ADAMTS17: variants seen among roughly 807,000 people sequenced by gnomAD.
The protein encoded by ADAMTS17 is A disintegrin and metalloproteinase with thrombospondin motifs 17.
A neutral mutation model predicts 141.5 loss-of-function variants in ADAMTS17; 113 were observed. That is an observed-to-expected ratio of 0.80 (90% CI 0.69 to 0.93). ADAMTS17 has a LOEUF of 0.93. ADAMTS17 is among the 40% of genes least tolerant of loss of function. The probability of loss-of-function intolerance (pLI) is 0.00; values close to 1 mark genes in which losing one functional copy is unlikely to be tolerated. For synonymous variants in ADAMTS17, 768 were observed against 630.6 expected, an observed-to-expected ratio of 1.22 and a Z score of -3.27; for missense variants, 1,659 against 1,517.9, an observed-to-expected ratio of 1.09 and a Z score of -1.54.
chr15:100,317,651 G>C (rs922018647), intron 3 of ADAMTS17, among the ~76,000 whole-genome samples: 1 of 152,204 alleles, frequency 6.6e-6, no homozygotes, highest in African/African-American at 2.4e-5. Context: ...AGCATTTTGG[G>C]GGGGACAACA....
chr15:100,077,283 C>CAAAAAAA (rs71151934), intron 15 of ADAMTS17, among the ~76,000 whole-genome samples: 3 of 54,602 alleles, frequency 5.5e-5, no homozygotes, highest in Admixed American at 3.8e-4. Context: ...ATCTCTACCA[C>CAAAAAAA]AAAAAAAAAA....
At chr15:100,238,459 T>G (rs1447717545) in intron 7 of ADAMTS17, among the ~76,000 whole-genome samples, 1 of 152,188 alleles carries the variant, frequency 6.6e-6, no homozygotes, top group East Asian at 1.9e-4. Context: ...AGGCACTCAA[T>G]AGAGTTTTAC....
In ADAMTS17 at chr15:100,263,246, G is replaced by C. The variant is rs150701595; in HGVS notation, c.790-811C>G. Among the ~76,000 whole-genome samples the C allele has an allele frequency of 2.6e-3, 399 of 152,186 alleles. 5 individuals are homozygous for C. Among genetic ancestry groups the C allele is most frequent in the African/African-American group, 9.3e-3 (386 of 41,514 alleles). On this transcript the variant is annotated intron_variant, in intron 4 of 21. Transcript: ENST00000268070. ...GCTAACCCTTGCCACACCCCACCAA[G>C]GCTGGCATCTCCACTACTCTCAGCT...
At chr15:100,148,086 G>A (rs2038992907) in intron 10 of ADAMTS17, among the ~76,000 whole-genome samples, 1 of 152,104 alleles carries the variant, frequency 6.6e-6, no homozygotes, top group Admixed American at 6.5e-5. Context: ...AAGGACTCTT[G>A]AGTACACTGG....
chr15:100,242,196 A>AT (rs1184774908), intron 7 of ADAMTS17, among the ~76,000 whole-genome samples: 31 of 152,194 alleles, frequency 2.0e-4, no homozygotes, highest in African/African-American at 6.8e-4. Flanking sequence ...CTTGTGGTTA[A>AT]TTCCAAGTGC....
At chr15:99,996,211 T>C (rs995756344) in intron 19 of ADAMTS17, among the ~76,000 whole-genome samples, 2 of 152,138 alleles carry the variant, frequency 1.3e-5, no homozygotes, top group African/African-American at 4.8e-5. Context: ...TGCGCCACCA[T>C]GCCCGGCTAA....
intron 7 of ADAMTS17, among the ~76,000 whole-genome samples, chr15:100,211,982 G>C (rs866799894): frequency 5.9e-5 from 9 of 152,084 alleles, no homozygotes; most frequent in Middle Eastern, 6.8e-3. Context: ...TTATATCCTG[G>C]GAAGTGGCAG....
At chr15:100,085,319 G>A (rs544200404) in intron 15 of ADAMTS17, among the ~76,000 whole-genome samples, 1 of 149,096 alleles carries the variant, frequency 6.7e-6, no homozygotes, top group South Asian at 2.1e-4. Context: ...AACGAACAAA[G>A]CCTCCAAGAA....
At chr15:100,307,750 C>A (rs983886016) in intron 3 of ADAMTS17, among the ~76,000 whole-genome samples, 1 of 152,192 alleles carries the variant, frequency 6.6e-6, no homozygotes, top group Non-Finnish European at 1.5e-5. Flanking sequence ...CCAGGTGTGG[C>A]TGGCGTCCTC....
chr15:100,205,112 C>T (rs1447303508), intron 7 of ADAMTS17, among the ~76,000 whole-genome samples: 1 of 152,136 alleles, frequency 6.6e-6, no homozygotes, highest in Non-Finnish European at 1.5e-5. Flanking sequence ...GCTTAGGACA[C>T]AGATGTCCTT....
At chr15:100,261,423 G>C (rs2141994424) in intron 6 of ADAMTS17, 56 bp downstream of exon 6, 3 of 1,608,690 alleles carry the variant, frequency 1.9e-6, no homozygotes, top group Middle Eastern at 2.0e-4. Context: ...TTTCCTCTCT[G>C]AAGGGAAACA....
At chr15:100,214,816 A>G (rs938671915) in intron 7 of ADAMTS17, among the ~76,000 whole-genome samples, 1 of 152,266 alleles carries the variant, frequency 6.6e-6, no homozygotes, top group Non-Finnish European at 1.5e-5. Context: ...CACAAGCGAC[A>G]CGGCACACTT....
chr15:100,212,120 C>G (rs985902247), intron 7 of ADAMTS17, among the ~76,000 whole-genome samples: 1 of 152,144 alleles, frequency 6.6e-6, no homozygotes, highest in East Asian at 1.9e-4. Flanking sequence ...CACCACCCCA[C>G]GAAGGGATAC....
In ADAMTS17 at chr15:100,317,462, G is replaced by C. The variant is rs546647462; in HGVS notation, c.616+13427C>G. On this transcript the variant is annotated intron_variant, in intron 3 of 21. Transcript: ENST00000268070. ...AGGTTCCCAGCCTCAAAGGAGCAGA[G>C]GGTCTGCTTGACCCTCTGTTCTTCC... 2.0e-5 allele frequency among the ~76,000 whole-genome samples: 3 copies of C among 152,268 alleles called. No homozygotes were observed. In the South Asian group the frequency reaches 6.2e-4, roughly 32 times the overall value.
At chr15:100,018,401 A>C (rs909693865) in intron 18 of ADAMTS17, among the ~76,000 whole-genome samples, 2 of 152,184 alleles carry the variant, frequency 1.3e-5, no homozygotes, top group African/African-American at 2.4e-5. Flanking sequence ...CCTCATGCTA[A>C]ATTGTAATTC....
chr15:100,337,339 A>G (rs760469126), intron 2 of ADAMTS17, among the ~76,000 whole-genome samples: 1 of 152,220 alleles, frequency 6.6e-6, no homozygotes, highest in Admixed American at 6.5e-5. Flanking sequence ...AGTCAGGCTG[A>G]CCAGTCAGAG....
chr15:100,108,868 C>T (rs2036568429), intron 14 of ADAMTS17, 121 bp downstream of exon 14: 1 of 1,558,616 alleles, frequency 6.4e-7, no homozygotes, highest in Non-Finnish European at 8.8e-7. Flanking sequence ...CACTGGGTGC[C>T]TTCCTAAGAA....
rs150564556 is a variant in ADAMTS17 at position 100,097,343 on chromosome 15, C to T, written c.2017-867G>A. Among the ~76,000 whole-genome samples, 1,474 of 152,280 alleles carry T rather than the reference C, an allele frequency of 9.7e-3. 24 individuals carry two copies. The highest frequency in any genetic ancestry group is 0.033 in the African/African-American group (1,381 of 41,532). ...TCCTACTGCCCTGCACCCCAGATTA[C>T]ATATTGGCACTTCAGACTCCAAAGG... On this transcript the variant is annotated intron_variant, in intron 14 of 21. Coordinates refer to ENST00000268070, the MANE Select transcript of ADAMTS17 (RefSeq NM_139057.4).
chr15:100,120,474 A>T (rs991076612), intron 12 of ADAMTS17, among the ~76,000 whole-genome samples: 1 of 152,230 alleles, frequency 6.6e-6, no homozygotes, highest in African/African-American at 2.4e-5. Flanking sequence ...GTGCAGATGC[A>T]GAAGATGGCT....
Sources: gnomAD v4.1 joint callset for allele counts (sites outside exome capture counted in the v4.1 genomes callset) on GRCh38, gnomAD v4.1.1 for gene constraint, MANE v1.5 for transcripts, NCBI Gene and HGNC (gene_info 2026-07-23, HGNC 2026-07-21) for gene names.